Variants in ENTPD4 observed in about 807,000 individuals in gnomAD.
ENTPD4 encodes Golgi UDPase.
Under a neutral mutation model 79.1 loss-of-function variants are expected in ENTPD4, and 60 were observed. The ratio of observed to expected loss-of-function variants is 0.76; its 90% confidence interval spans 0.62 to 0.94. The LOEUF is 0.94. Ranked by LOEUF, ENTPD4 falls within the 40% of genes least tolerant of loss-of-function variation. The probability of loss-of-function intolerance (pLI) is 0.00; values close to 1 mark genes in which losing one functional copy is unlikely to be tolerated. For missense variants in ENTPD4, 772 were observed against 775.1 expected (o/e 1.00, Z 0.05); for synonymous variants, 276 against 292.0 (o/e 0.95, Z 0.56).
intron 5 of ENTPD4, 42 bp from the exon 6 acceptor site, chr8:23,443,995 C>G (rs1276869746): frequency 7.5e-7 from 1 of 1,339,018 alleles, no homozygotes; most frequent in Admixed American, 1.8e-5. Flanking sequence ...AAGATTACAG[C>G]TTGGTATCTT....
chr8:23,451,447 G>C (rs1800859833), intron 1 of ENTPD4, among the ~76,000 whole-genome samples: 1 of 152,070 alleles, frequency 6.6e-6, no homozygotes, highest in Non-Finnish European at 1.5e-5. Flanking sequence ...AGCCTAACTA[G>C]TCTTCTACCG....
intron 4 of ENTPD4, 81 bp downstream of exon 4, chr8:23,447,599 A>G (rs1800783904): frequency 8.9e-7 from 1 of 1,124,906 alleles, no homozygotes; most frequent in South Asian, 1.3e-5. Flanking sequence ...GCCATGGTGT[A>G]GAAAGGGAAC....
intron 10 of ENTPD4, 30 bp from the exon 11 acceptor site, chr8:23,435,507 T>G: frequency 6.7e-7 from 1 of 1,492,588 alleles, no homozygotes; most frequent in South Asian, 1.1e-5. Flanking sequence ...AATAGATCAC[T>G]AGTAAAGGCT....
chr8:23,441,509 G>T, intron 8 of ENTPD4, 60 bp downstream of exon 8: 2 of 1,591,026 alleles, frequency 1.3e-6, no homozygotes, highest in South Asian at 2.3e-5. Flanking sequence ...AAACAAGAAC[G>T]ATGGACACAC....
intron 2 of ENTPD4, 73 bp downstream of exon 2, chr8:23,449,820 T>G (rs567317954): frequency 4.0e-5 from 54 of 1,337,004 alleles, no homozygotes; most frequent in Non-Finnish European, 5.6e-5. Context: ...GCGATTTAGA[T>G]TTTTTTTCTC....
chr8:23,437,959 T>C (rs1800601477), intron 9 of ENTPD4, among the ~76,000 whole-genome samples: 1 of 152,208 alleles, frequency 6.6e-6, no homozygotes, highest in South Asian at 2.1e-4. Context: ...ATTTTTATCA[T>C]TCTGTTTCAA....
intron 8 of ENTPD4, among the ~76,000 whole-genome samples, chr8:23,440,443 C>T (rs187854608): frequency 6.6e-6 from 1 of 152,170 alleles, no homozygotes; most frequent in East Asian, 1.9e-4. Flanking sequence ...CACTAAAAGG[C>T]TAACAATGGC....
intron 9 of ENTPD4, among the ~76,000 whole-genome samples, chr8:23,438,504 TAA>T (rs1277294653): frequency 6.6e-6 from 1 of 152,244 alleles, no homozygotes; most frequent in Non-Finnish European, 1.5e-5. Flanking sequence ...GTAATTACTA[TAA>T]AAGTCCAAGA....
At chr8:23,453,381 C>T (rs529054010) in intron 1 of ENTPD4, among the ~76,000 whole-genome samples, 2 of 152,030 alleles carry the variant, frequency 1.3e-5, no homozygotes, top group African/African-American at 4.8e-5. Context: ...TTAAAACAAA[C>T]AAAAAAATCC....
At chr8:23,456,488 T>C (rs1800960863) in intron 1 of ENTPD4, among the ~76,000 whole-genome samples, 1 of 152,252 alleles carries the variant, frequency 6.6e-6, no homozygotes, top group African/African-American at 2.4e-5. Flanking sequence ...AATCCTTAGA[T>C]AAATGTTCAT....
chr8:23,440,057 C>T (rs1328329179), intron 8 of ENTPD4, 142 bp from the exon 9 acceptor site: 1 of 616,602 alleles, frequency 1.6e-6, no homozygotes, highest in Non-Finnish European at 2.8e-6. Flanking sequence ...AAGCATCACT[C>T]ATAATTCAAT....
chr8:23,431,037 C>T lies in ENTPD4; in HGVS notation c.*1889G>A, dbSNP rs1800445565. The T allele has an allele frequency of 1.1e-6, 1 of 913,480 alleles. No homozygotes were observed. Among genetic ancestry groups the T allele is most frequent in the East Asian group, 1.2e-4 (1 of 8,444 alleles). The allele number at this position is 913,480 out of a possible 1,614,324, so 56.6% of individuals were successfully genotyped here. A position where few individuals can be genotyped will look rare whatever the true frequency, so the allele number is the denominator to read the frequency against. On this transcript the variant is annotated 3_prime_UTR_variant, in exon 13 of 13. Coordinates refer to ENST00000358689, the MANE Select transcript of ENTPD4 (RefSeq NM_004901.5). The stretch of plus-strand genomic sequence containing the variant: ...TGAAATCCAGGTGAGGGAGCCATGC[C>T]CCCACAGCTCTTGCCTCAAGGATCA...
intron 9 of ENTPD4, 22 bp from the exon 10 acceptor site, chr8:23,437,280 C>CAT (rs1475024825): frequency 2.3e-5 from 35 of 1,535,236 alleles, no homozygotes; most frequent in Non-Finnish European, 3.1e-5. Context: ...CAAGAAACTT[C>CAT]ATCGTGAGTC....
chr8:23,439,623 G>C, intron 9 of ENTPD4, 126 bp downstream of exon 9: 1 of 840,380 alleles, frequency 1.2e-6, no homozygotes. Context: ...AGCTAGTGGG[G>C]GAATAAAAAG....
chr8:23,433,886 G>T (rs1219617411), intron 12 of ENTPD4, among the ~76,000 whole-genome samples: 3 of 152,170 alleles, frequency 2.0e-5, no homozygotes, highest in East Asian at 1.9e-4. Context: ...TAATAGAGAA[G>T]AACACATATT....
At chr8:23,444,280 G>A (rs1159715194) in intron 5 of ENTPD4, among the ~76,000 whole-genome samples, 176 bp downstream of exon 5, 1 of 152,164 alleles carries the variant, frequency 6.6e-6, no homozygotes, top group East Asian at 1.9e-4. Context: ...GCTATTTGGT[G>A]GATTCTGGCT....
At chr8:23,449,329 T>C (rs1202303558) in intron 2 of ENTPD4, among the ~76,000 whole-genome samples, 1 of 152,150 alleles carries the variant, frequency 6.6e-6, no homozygotes, top group East Asian at 1.9e-4. Context: ...GGGAATGCAG[T>C]ATGGAGAAAG....
In ENTPD4 at chr8:23,447,710, G is replaced by A. The variant is rs368799155; in HGVS notation, c.382C>T (p.Arg128Ter). The A allele has an allele frequency of 4.8e-5, 77 of 1,613,872 alleles. No individual in the cohort carries two copies. Among genetic ancestry groups the A allele is most frequent in the Admixed American group, 1.2e-4 (7 of 59,978 alleles). The change falls in exon 4 of 13, where the codon CGA becomes TGA. Residue 128 changes from arginine to a stop codon, truncating the protein, a stop_gained. Coordinates refer to ENST00000358689, the MANE Select transcript of ENTPD4 (RefSeq NM_004901.5). LOFTEE classifies it high-confidence loss of function. ...LDIRQMRDKN[R>*]KPVVMKIKPG... ...TTTATCTTCATGACCACTGGCTTTC[G>A]GTTTTTATCCCTCATTTGCCTGATA...
Position 23,432,914 on chromosome 8 carries a change from C to T in ENTPD4, c.*12G>A, listed in dbSNP as rs1800482058. ...CTTTTCCTTTTGAGTCTTCGTGGAG[C>T]TGTGAGCTGGATCACAAGGTCCCCG... is the stretch of plus-strand genomic sequence containing the variant. On this transcript the variant is annotated 3_prime_UTR_variant, in exon 13 of 13. Transcript: ENST00000358689. 1 of 1,576,634 alleles carries T rather than the reference C, an allele frequency of 6.3e-7. No individual in the cohort carries two copies. The highest frequency in any genetic ancestry group is 2.3e-5 in the East Asian group (1 of 42,854).
Sources: allele counts gnomAD v4.1 joint callset (sites outside exome capture counted in the v4.1 genomes callset), GRCh38; gene constraint gnomAD v4.1.1; transcripts MANE v1.5; gene names NCBI Gene and HGNC (gene_info 2026-07-23, HGNC 2026-07-21).